The following TNRC6C variants were observed in gnomAD, a reference collection of about 807,000 sequenced individuals.
TNRC6C encodes trinucleotide repeat-containing gene 6C protein.
Under a neutral mutation model 153.7 loss-of-function variants are expected in TNRC6C, and 20 were observed. The ratio of observed to expected loss-of-function variants is 0.13; its 90% CI spans 0.09 to 0.19. The LOEUF is 0.19. Among genes scored for constraint, TNRC6C ranks in the 10% least tolerant of loss-of-function variants. The probability of loss-of-function intolerance (pLI) is 1.00; values close to 1 mark genes in which losing one functional copy is unlikely to be tolerated. For missense variants in TNRC6C, 1,987 were observed against 2,172.0 expected, an observed-to-expected ratio of 0.91 and a Z score of 1.69; for synonymous variants, 811 against 841.4, an observed-to-expected ratio of 0.96 and a Z score of 0.63.
intron 1 of TNRC6C, among the ~76,000 whole-genome samples, chr17:77,969,223 G>A (rs2070922096): frequency 6.6e-6 from 1 of 152,100 alleles, no homozygotes; most frequent in South Asian, 2.1e-4. Context: ...CATTCAGACT[G>A]ACTGAGGTAG....
chr17:78,050,715 T>C (rs376938262), exon 3 of TNRC6C: 9 of 1,581,010 alleles, frequency 5.7e-6, no homozygotes, highest in Non-Finnish European at 6.9e-6. Flanking sequence ...CTGCTGCTGC[T>C]GCCAAGAGTG....
At chr17:78,001,728 C>T (rs189398945), upstream of TNRC6C, among the ~76,000 whole-genome samples, 11 of 151,878 alleles carry the variant, frequency 7.2e-5, no homozygotes, top group African/African-American at 1.4e-4. Flanking sequence ...TACAGTTACA[C>T]GAGCAGGGAC....
chr17:78,061,256 A>G (rs1160574354), intron 3 of TNRC6C, among the ~76,000 whole-genome samples: 1 of 152,228 alleles, frequency 6.6e-6, no homozygotes, highest in African/African-American at 2.4e-5. Flanking sequence ...ATCAATTCTA[A>G]CTTTAAAAGA....
intron 1 of TNRC6C, among the ~76,000 whole-genome samples, chr17:77,960,391 G>A (rs2070851854): frequency 6.6e-6 from 1 of 152,178 alleles, no homozygotes. Flanking sequence ...CCAGTACAAG[G>A]TAGCCAATTT....
At chr17:77,964,904 A>G (rs1005399650) in intron 1 of TNRC6C, among the ~76,000 whole-genome samples, 15 of 152,120 alleles carry the variant, frequency 9.9e-5, no homozygotes, top group African/African-American at 3.6e-4. Flanking sequence ...CTTTTTTGGT[A>G]GGGAGGCACA....
exon 15 of TNRC6C, chr17:78,093,068 G>T: frequency 1.2e-6 from 2 of 1,613,652 alleles, no homozygotes; most frequent in Non-Finnish European, 1.7e-6. Context: ...AGCTGGTCAC[G>T]TGCCAAATCT....
chr17:77,986,159 G>A, intron 1 of TNRC6C, among the ~76,000 whole-genome samples: 1 of 152,176 alleles, frequency 6.6e-6, no homozygotes. Context: ...GCTCACACCT[G>A]TAATCCCAGC....
intron 2 of TNRC6C, among the ~76,000 whole-genome samples, chr17:78,044,447 A>G (rs1598727285): frequency 6.6e-6 from 1 of 152,218 alleles, no homozygotes; most frequent in Non-Finnish European, 1.5e-5. Flanking sequence ...CAGAATAGGT[A>G]CGCCTTGCCT....
rs116104548 is a variant in TNRC6C, at chr17:77,981,576, C to G, written c.-38+22308C>G. On this transcript the variant is annotated intron_variant, in intron 1 of 22. Transcript: ENST00000636222. ...ACAAAGATAAATATAGTTTAAATGT[C>G]CTCAGGTCTTTGTAATTTATATTAG... is the stretch of plus-strand genomic sequence containing the variant. 8.0e-3 allele frequency among the ~76,000 whole-genome samples: 1,222 copies of G among 152,256 alleles called. 19 individuals are homozygous for G. Among genetic ancestry groups the G allele is most frequent in the African/African-American group, 0.027 (1,134 of 41,536 alleles).
At chr17:78,071,049 C>G in intron 5 of TNRC6C, 36 bp from the exon 8 acceptor site, 2 of 1,560,402 alleles carry the variant, frequency 1.3e-6, no homozygotes, top group Non-Finnish European at 1.7e-6. Context: ...TAAAATGTAG[C>G]TCATGGACTT....
intron 1 of TNRC6C, among the ~76,000 whole-genome samples, chr17:77,983,738 C>CTGTA (rs1455040464): frequency 2.6e-5 from 4 of 152,042 alleles, no homozygotes; most frequent in Non-Finnish European, 5.9e-5. Context: ...TTTCTTGTGT[C>CTGTA]TGTATGTTTA....
At chr17:78,026,710 C>T (rs550228722) in intron 1 of TNRC6C, among the ~76,000 whole-genome samples, 1 of 152,266 alleles carries the variant, frequency 6.6e-6, no homozygotes, top group East Asian at 1.9e-4. Context: ...TACAAGACCT[C>T]AGAGTTTTAA....
chr17:78,023,599 G>A (rs1053696868), intron 1 of TNRC6C, among the ~76,000 whole-genome samples: 6 of 151,042 alleles, frequency 4.0e-5, no homozygotes, highest in Non-Finnish European at 1.5e-5. Flanking sequence ...GAGTCCAGGG[G>A]TTCAAGACCA....
At chr17:78,060,221 C>A (rs921576746) in intron 3 of TNRC6C, among the ~76,000 whole-genome samples, 14 of 152,142 alleles carry the variant, frequency 9.2e-5, no homozygotes, top group Non-Finnish European at 2.1e-4. Context: ...TATAAAGTTT[C>A]ATTGTACAAA....
exon 2 of TNRC6C, chr17:78,031,687 A>C: frequency 8.1e-7 from 1 of 1,232,356 alleles, no homozygotes; most frequent in Non-Finnish European, 1.0e-6. Context: ...CGCTTCCGCC[A>C]GCAAGAACAG....
At chr17:78,108,812 T>C (rs1292435103) in exon 20 of TNRC6C, 2 of 152,238 alleles carry the variant, frequency 1.3e-5, no homozygotes, top group African/African-American at 4.8e-5. Flanking sequence ...TAAATTTTTT[T>C]TTAAATGGCA....
chr17:78,092,156 A>G (rs1305431055), intron 14 of TNRC6C, among the ~76,000 whole-genome samples: 1 of 152,240 alleles, frequency 6.6e-6, no homozygotes, highest in Non-Finnish European at 1.5e-5. Flanking sequence ...CATTAAATTT[A>G]ACTCTGAACT....
rs1467178286 is a variant in TNRC6C at position 78,049,793 on chromosome 17, T to G, written c.731T>G (p.Ile244Arg). Residue 244 changes from isoleucine (I) to arginine (R), a missense_variant, in exon 3 of 20, where the codon ATA becomes AGA. Physicochemically the swap from Ile to Arg is moderately conservative, Grantham distance 97. This residue lies in a region of TNRC6C where 1,052 missense variants were observed against 1,017.0 expected (regional missense o/e 1.03). Coordinates refer to ENST00000301624, the Ensembl canonical transcript of TNRC6C. The surrounding 1 kb of genome is among the most constrained non-coding windows in gnomAD (Gnocchi z 4.1). ...GTCAGTGGGGGCAGTGCTGAAGGAA[T>G]AAGCAATTCTGTGTGGGGACTGTCC... The G allele has an allele frequency of 6.2e-6, 10 of 1,601,854 alleles. No homozygotes were observed. The highest frequency in any genetic ancestry group is 3.3e-4 in the Middle Eastern group (2 of 6,006).
At chr17:77,972,231 G>A (rs534149198) in intron 1 of TNRC6C, among the ~76,000 whole-genome samples, 4 of 152,094 alleles carry the variant, frequency 2.6e-5, no homozygotes, top group Middle Eastern at 3.4e-3. Context: ...TGAAAGAGAG[G>A]GCCAGGCGCG....
Sources: gnomAD v4.1 joint callset for allele counts (sites outside exome capture counted in the v4.1 genomes callset) on GRCh38, gnomAD v4.1.1 for gene constraint, gnomAD v4.1.1 regional missense constraint, Gnocchi (gnomAD v3.1) non-coding constraint, MANE v1.5 for transcripts, NCBI Gene and HGNC (gene_info 2026-07-23, HGNC 2026-07-21) for gene names.